Variants in TRPM3 observed in about 807,000 individuals in gnomAD.
TRPM3 encodes long transient receptor potential channel 3.
In TRPM3, 77 loss-of-function variants were observed where a neutral mutation model predicts 181.2. The ratio of observed to expected loss-of-function variants is 0.42; its 90% CI spans 0.35 to 0.51. The LOEUF is 0.51. TRPM3 is among the 20% of genes least tolerant of loss of function. The probability of loss-of-function intolerance (pLI) is 0.01; values close to 1 mark genes in which losing one functional copy is unlikely to be tolerated. For missense variants in TRPM3, 1,759 were observed against 2,196.7 expected, an observed-to-expected ratio of 0.80 and a Z score of 3.98; for synonymous variants, 745 against 796.4, an observed-to-expected ratio of 0.94 and a Z score of 1.09.
At chr9:71,303,709 C>G (rs993320392) in intron 1 of TRPM3, among the ~76,000 whole-genome samples, 64 of 152,166 alleles carry the variant, frequency 4.2e-4, no homozygotes, top group African/African-American at 1.5e-3. Flanking sequence ...GCTTTTGTCA[C>G]TAGCTTATTA....
At chr9:71,268,963 A>G (rs1481762262) in intron 1 of TRPM3, among the ~76,000 whole-genome samples, 2 of 152,230 alleles carry the variant, frequency 1.3e-5, no homozygotes, top group Non-Finnish European at 2.9e-5. Context: ...TCTCAGCCAG[A>G]GCAAACCATG....
rs145795935 is a variant in TRPM3, at chr9:71,365,974, G to A, written c.183+80679C>T. Reference sequence around the variant, plus strand: ...TAAAATAAAAAAAGGGGGATAAAGAGAGATGGGGAGGGGTGCATGTTAGGT... The same window carrying A: ...TAAAATAAAAAAAGGGGGATAAAGAAAGATGGGGAGGGGTGCATGTTAGGT... On this transcript the variant is annotated intron_variant, in intron 1 of 24. Coordinates refer to the TRPM3 transcript ENST00000357533. 5.6e-4 allele frequency among the ~76,000 whole-genome samples: 85 copies of A among 152,246 alleles called. No homozygotes were observed. The East Asian group carries it at 0.015, about 28-fold the overall frequency.
intron 1 of TRPM3, among the ~76,000 whole-genome samples, chr9:70,972,326 T>C (rs1226405326): frequency 6.6e-6 from 1 of 152,180 alleles, no homozygotes; most frequent in Non-Finnish European, 1.5e-5. Context: ...AAGAGCGTAA[T>C]GTTTTCAAGA....
intron 12 of TRPM3, among the ~76,000 whole-genome samples, chr9:70,633,397 T>C (rs538632488): frequency 6.6e-6 from 1 of 152,266 alleles, no homozygotes; most frequent in East Asian, 1.9e-4. Context: ...AGGGTAGATC[T>C]ACTACGATGG....
chr9:71,203,844 C>G (rs980639931), intron 1 of TRPM3, among the ~76,000 whole-genome samples: 12 of 152,126 alleles, frequency 7.9e-5, no homozygotes, highest in African/African-American at 2.9e-4. Context: ...TCCTCCATCA[C>G]AATCATCATC....
intron 8 of TRPM3, among the ~76,000 whole-genome samples, chr9:70,740,901 C>CA (rs1342914970): frequency 2.6e-5 from 4 of 152,144 alleles, no homozygotes; most frequent in Admixed American, 2.0e-4. Flanking sequence ...GACATTGGCT[C>CA]AGGCAAAGAC....
intron 1 of TRPM3, among the ~76,000 whole-genome samples, chr9:71,136,105 T>G (rs949874415): frequency 6.6e-5 from 10 of 152,196 alleles, no homozygotes; most frequent in African/African-American, 2.4e-4. Flanking sequence ...AAGAGATTAA[T>G]ACATCGTCCA....
chr9:70,701,545 C>A (rs2072578554), intron 8 of TRPM3, among the ~76,000 whole-genome samples: 1 of 151,952 alleles, frequency 6.6e-6, no homozygotes, highest in South Asian at 2.1e-4. Flanking sequence ...TCAAATTAGT[C>A]TTTTTTTCCT....
chr9:71,020,161 C>T (rs1425353446), intron 1 of TRPM3, among the ~76,000 whole-genome samples: 2 of 151,000 alleles, frequency 1.3e-5, no homozygotes, highest in Non-Finnish European at 3.0e-5. Flanking sequence ...AAAAACCAAG[C>T]CAAAACAGAA....
At chr9:71,180,858 C>T (rs1419886937) in intron 1 of TRPM3, among the ~76,000 whole-genome samples, 1 of 151,990 alleles carries the variant, frequency 6.6e-6, no homozygotes, top group Admixed American at 6.6e-5. Context: ...AGAGAGGCTC[C>T]TCACCTCCCC....
intron 1 of TRPM3, among the ~76,000 whole-genome samples, chr9:71,001,539 G>A (rs185070136): frequency 6.6e-6 from 1 of 152,254 alleles, no homozygotes; most frequent in East Asian, 1.9e-4. Context: ...ACCTATGCAG[G>A]CCTTGGTACC....
chr9:71,416,957 T>TCA (rs1365686131), intron 1 of TRPM3, among the ~76,000 whole-genome samples: 2 of 152,022 alleles, frequency 1.3e-5, no homozygotes, highest in African/African-American at 4.8e-5. Flanking sequence ...GTTTCTTTAC[T>TCA]CAGCATATTT....
intron 1 of TRPM3, among the ~76,000 whole-genome samples, chr9:71,023,483 C>G (rs2097862552): frequency 6.6e-6 from 1 of 152,018 alleles, no homozygotes; most frequent in Admixed American, 6.6e-5. Flanking sequence ...ATTACTAGGT[C>G]CTTATCCTAG....
chr9:71,141,802 G>C (rs1294633997), intron 1 of TRPM3, among the ~76,000 whole-genome samples: 3 of 152,096 alleles, frequency 2.0e-5, no homozygotes, highest in Non-Finnish European at 4.4e-5. Flanking sequence ...GCTGGTTGTT[G>C]TCTTGCAAAA....
At chr9:71,234,547 G>T (rs1226858314) in intron 1 of TRPM3, among the ~76,000 whole-genome samples, 1 of 152,140 alleles carries the variant, frequency 6.6e-6, no homozygotes, top group African/African-American at 2.4e-5. Flanking sequence ...AGCATTGGTT[G>T]CTTCTGAAGC....
chr9:71,320,450 A>G (rs1314058410), intron 1 of TRPM3, among the ~76,000 whole-genome samples: 2 of 152,168 alleles, frequency 1.3e-5, no homozygotes, highest in East Asian at 1.9e-4. Flanking sequence ...GAAAATACCA[A>G]TGTTGGTCAG....
At chr9:70,685,069 C>T (rs2066422507) in intron 8 of TRPM3, among the ~76,000 whole-genome samples, 1 of 152,080 alleles carries the variant, frequency 6.6e-6, no homozygotes, top group Admixed American at 6.5e-5. Context: ...AGATTTTCTG[C>T]CTCTCATTGA....
chr9:71,096,590 A>ACACACACTCTCTCTCTCTCT (rs1452142664), intron 1 of TRPM3, among the ~76,000 whole-genome samples: 10 of 90,040 alleles, frequency 1.1e-4, no homozygotes, highest in African/African-American at 5.1e-4. Context: ...ACACACACAC[A>ACACACACTCTCTCTCTCTCT]CTCTCTCTCT....
intron 19 of TRPM3, among the ~76,000 whole-genome samples, chr9:70,609,264 A>G (rs1370851693): frequency 6.6e-6 from 1 of 152,196 alleles, no homozygotes; most frequent in African/African-American, 2.4e-5. Context: ...GTCACCACTA[A>G]GCTGTTTTCT....
Sources: gnomAD v4.1 joint callset for allele counts (sites outside exome capture counted in the v4.1 genomes callset) on GRCh38, gnomAD v4.1.1 for gene constraint, MANE v1.5 for transcripts, NCBI Gene and HGNC (gene_info 2026-07-23, HGNC 2026-07-21) for gene names.